KIFC3: variants seen among roughly 807,000 people sequenced by gnomAD.
KIFC3 encodes kinesin-like protein KIFC3.
A neutral mutation model predicts 101.8 loss-of-function variants in KIFC3; 60 were observed. The ratio of observed to expected loss-of-function variants is 0.59; its 90% confidence interval spans 0.48 to 0.73. The LOEUF (loss-of-function observed/expected upper bound fraction) is 0.73. KIFC3 is among the 30% of genes least tolerant of loss of function. KIFC3 has a pLI of 0.00. For missense variants in KIFC3, 966 were observed against 1,137.1 expected (o/e 0.85, Z 2.16); for synonymous variants, 476 against 482.7 (o/e 0.99, Z 0.18).
intron 1 of KIFC3, among the ~76,000 whole-genome samples, chr16:57,848,330 C>A (rs539458795): frequency 6.6e-6 from 1 of 152,140 alleles, no homozygotes; most frequent in Non-Finnish European, 1.5e-5. Context: ...AAATTCAGGA[C>A]CAGCATTGAG....
At position 57,765,545 on chromosome 16, in the gene KIFC3, C is replaced by T. The variant is rs1430540427; in HGVS notation, c.1426G>A (p.Asp476Asn). Reference protein sequence around the residue: ...TNAVTFDADDDSIIHLLHKGK... With the variant: ...TNAVTFDADDNSIIHLLHKGK... ...TTGTGCAGCAGGTGGATGATGGAGT[C>T]GTCGTCGGCATCGAAAGTCACAGCA... The change falls in exon 11 of 20, where the codon GAC becomes AAC. Residue 476 changes from aspartate to asparagine, a missense_variant. Asp to Asn is a conservative substitution (Grantham distance 23, BLOSUM62 1). Around this residue, in one of 2 missense-constraint regions of KIFC3, gnomAD observed 689 missense variants for 884.6 expected, o/e 0.78. Coordinates refer to ENST00000445690, the MANE Select transcript of KIFC3 (RefSeq NM_001130100.2). The T allele has an allele frequency of 1.3e-5, 21 of 1,600,528 alleles. No homozygotes were observed. The highest frequency in any genetic ancestry group is 3.4e-5 in the Admixed American group (2 of 58,152).
chr16:57,777,663 G>A (rs1025890174), intron 3 of KIFC3, among the ~76,000 whole-genome samples: 3 of 151,970 alleles, frequency 2.0e-5, no homozygotes, highest in Non-Finnish European at 4.4e-5. Flanking sequence ...AGAGGTCGCA[G>A]TGAGCTGAGA....
chr16:57,805,558 T>C (rs1421118064), upstream of KIFC3, among the ~76,000 whole-genome samples: 1 of 151,814 alleles, frequency 6.6e-6, no homozygotes, highest in Admixed American at 6.6e-5. Context: ...CAGAAGACAG[T>C]GTCCAGAACA....
intron 1 of KIFC3, among the ~76,000 whole-genome samples, chr16:57,811,238 C>A (rs908863222): frequency 3.2e-4 from 48 of 152,126 alleles, no homozygotes; most frequent in African/African-American, 1.0e-3. Context: ...ATGAATGGGG[C>A]TTCTTTGGGG....
At chr16:57,835,174 A>G (rs1190793236) in intron 1 of KIFC3, among the ~76,000 whole-genome samples, 1 of 152,228 alleles carries the variant, frequency 6.6e-6, no homozygotes, top group African/African-American at 2.4e-5. Context: ...AATAGCACCG[A>G]TATTTGAAGA....
chr16:57,807,449 C>G (rs1275579054), upstream of KIFC3, among the ~76,000 whole-genome samples: 2 of 152,134 alleles, frequency 1.3e-5, no homozygotes, highest in Admixed American at 6.5e-5. Context: ...TCTTGGATGT[C>G]CCTTGACTGG....
chr16:57,760,726 C>T lies in KIFC3; in HGVS notation c.2232G>A (p.Gln744=), dbSNP rs782159982. 3 of 1,613,026 alleles carry T rather than the reference C, an allele frequency of 1.9e-6. No homozygotes were observed. Among genetic ancestry groups the T allele is most frequent in the Non-Finnish European group, 2.5e-6 (3 of 1,179,380 alleles). Residue 744 remains glutamine, a splice_region_variant and synonymous_variant, in exon 16 of 20, where the codon CAG becomes CAA. Transcript: ENST00000445690. Reference sequence around the variant, plus strand: ...GCCCGCCCTAACCCAAGGTCCTCACCTGTACCACCATGAGGGTCTTGCTGT... The same window carrying T: ...GCCCGCCCTAACCCAAGGTCCTCACTTGTACCACCATGAGGGTCTTGCTGT... ...SGDSKTLMVV[Q]VSPVEKNTSE... is the part of the protein sequence containing the mutation.
chr16:57,792,469 C>G (rs1180774413), intron 3 of KIFC3, among the ~76,000 whole-genome samples: 2 of 152,200 alleles, frequency 1.3e-5, no homozygotes, highest in Non-Finnish European at 2.9e-5. Context: ...TGAAAATACT[C>G]AAAGCTATCA....
At chr16:57,760,579 A>G in intron 16 of KIFC3, 147 bp downstream of exon 16, 1 of 1,075,692 alleles carries the variant, frequency 9.3e-7, no homozygotes, top group Non-Finnish European at 1.4e-6. Flanking sequence ...TCAAAGGTGG[A>G]GAGGAGGGAC....
chr16:57,779,030 C>G (rs2052432143), intron 3 of KIFC3, among the ~76,000 whole-genome samples: 1 of 152,070 alleles, frequency 6.6e-6, no homozygotes, highest in Admixed American at 6.6e-5. Context: ...GATGGTTCCT[C>G]AAAAAATTAA....
rs557757733 is a variant in KIFC3, at chr16:57,861,022, C to T, written c.108+1707G>A. On this transcript the variant is annotated intron_variant, in intron 1 of 2. Coordinates refer to the KIFC3 transcript ENST00000563028. ...CCACCATGCCTGGCCAAGAATGCCT[C>T]ACCTTAAACATAGTGCTTGCTTATA... Among the ~76,000 whole-genome samples, 735 of 152,204 alleles carry T rather than the reference C, an allele frequency of 4.8e-3. 21 individuals are homozygous for T. The highest frequency in any genetic ancestry group is 0.037 in the South Asian group (177 of 4,814).
Position 57,792,992 on chromosome 16 carries a change from T to G in KIFC3, c.315+2007A>C, listed in dbSNP as rs1397080872. 2.1e-5 allele frequency among the ~76,000 whole-genome samples: 3 copies of G among 146,176 alleles called. No individual in the cohort carries two copies. The South Asian group carries it at 6.6e-4, about 32-fold the overall frequency. Reference sequence around the variant, plus strand: ...TAACATGTAAAATAAATAATAAAAATCATATAAATATGCACTGGGAACTGT... The same window carrying G: ...TAACATGTAAAATAAATAATAAAAAGCATATAAATATGCACTGGGAACTGT... On this transcript the variant is annotated intron_variant, in intron 3 of 19. Coordinates refer to ENST00000445690, the MANE Select transcript of KIFC3 (RefSeq NM_001130100.2).
intron 1 of KIFC3, chr16:57,813,541 CCT>C (rs1478534006): frequency 6.6e-6 from 2 of 301,486 alleles, no homozygotes; most frequent in Non-Finnish European, 9.8e-6. Flanking sequence ...ACCGGATGCC[CCT>C]GTCTTAAGTG....
chr16:57,775,996 T>C (rs2052016392), intron 3 of KIFC3: 16 of 985,208 alleles, frequency 1.6e-5, no homozygotes, highest in Non-Finnish European at 1.9e-5. Context: ...CCACCTGCAT[T>C]TACACTTCAC....
intron 3 of KIFC3, chr16:57,774,664 A>C: frequency 6.6e-6 from 2 of 303,178 alleles, no homozygotes; most frequent in Admixed American, 5.1e-5. Context: ...CTGGGACTAC[A>C]AGCACATACC....
At position 57,766,733 on chromosome 16, in the gene KIFC3, C is replaced by G. The variant is rs563441852; in HGVS notation, c.1330+141G>C. The G allele has an allele frequency of 6.6e-6, 4 of 605,546 alleles. No homozygotes were observed. The East Asian group carries it at 8.5e-5, about 13-fold the overall frequency. 37.5% of individuals were successfully genotyped at this position (605,546 alleles called of 1,614,324 possible). On this transcript the variant is annotated intron_variant, in intron 10 of 19. Transcript: ENST00000445690. Reference sequence around the variant, plus strand: ...CATGTGGCTTTGAGCAAGTTCCCTGCCTTCTCTGTGCCTCTGTTTCCTTAT... The same window carrying G: ...CATGTGGCTTTGAGCAAGTTCCCTGGCTTCTCTGTGCCTCTGTTTCCTTAT...
At chr16:57,823,804 T>TGTGTGTGTGTG (rs1568088575) in intron 1 of KIFC3, among the ~76,000 whole-genome samples, 58 of 149,474 alleles carry the variant, frequency 3.9e-4, no homozygotes, top group East Asian at 1.4e-3. Flanking sequence ...TGTGTGTGTG[T>TGTGTGTGTGTG]TTTTAGTAGA....
In KIFC3 at chr16:57,769,279, G is replaced by A. The variant is rs868969643; in HGVS notation, c.1218+316C>T. Among the ~76,000 whole-genome samples, 6 of 152,142 alleles carry A rather than the reference G, an allele frequency of 3.9e-5. No individual in the cohort carries two copies. The highest frequency in any genetic ancestry group is 1.3e-4 in the Admixed American group (2 of 15,268). Reference sequence around the variant, plus strand: ...TCAAACTCCTGACCTCAAGTGATCCGCCTGCCTCGGCCTCCCAAAGTGTTG... The same window carrying A: ...TCAAACTCCTGACCTCAAGTGATCCACCTGCCTCGGCCTCCCAAAGTGTTG... On this transcript the variant is annotated intron_variant, in intron 9 of 19. Coordinates refer to ENST00000445690, the MANE Select transcript of KIFC3 (RefSeq NM_001130100.2). This position sits in a 1 kb window ranked among gnomAD's most constrained non-coding sequence, Gnocchi z 4.3.
At chr16:57,782,339 C>G in intron 3 of KIFC3, 1 of 168,000 alleles carries the variant, frequency 6.0e-6, no homozygotes, top group Non-Finnish European at 1.2e-5. Flanking sequence ...TCACGGGATT[C>G]CAAATCCAAA....
Sources: allele counts gnomAD v4.1 joint callset (sites outside exome capture counted in the v4.1 genomes callset), GRCh38; gene constraint gnomAD v4.1.1; regional missense constraint gnomAD v4.1.1; non-coding constraint Gnocchi (gnomAD v3.1); transcripts MANE v1.5; gene names NCBI Gene and HGNC (gene_info 2026-07-23, HGNC 2026-07-21).